The following AGBL4 variants were observed in gnomAD, a reference collection of about 807,000 sequenced individuals.
AGBL4 encodes the protein cytosolic carboxypeptidase 6.
Under a neutral mutation model 66.4 loss-of-function variants are expected in AGBL4, and 58 were observed. The observed-to-expected ratio is 0.87, with a 90% CI of 0.71 to 1.09. The LOEUF (loss-of-function observed/expected upper bound fraction) is 1.09, where lower values mean the gene tolerates loss of function less well. Among genes scored for constraint, AGBL4 ranks in the 50% least tolerant of loss-of-function variants. The pLI is 0.00. For synonymous variants in AGBL4, 234 were observed against 222.9 expected (o/e 1.05, Z -0.44); for missense variants, 579 against 631.0 (o/e 0.92, Z 0.88).
intron 2 of AGBL4, among the ~76,000 whole-genome samples, chr1:49,724,920 G>A (rs1247152022): frequency 2.6e-5 from 4 of 151,784 alleles, no homozygotes; most frequent in Non-Finnish European, 1.5e-5. Flanking sequence ...AATTTCTGTT[G>A]TATAAGCATG....
chr1:48,572,905 A>G (rs1308992138), intron 11 of AGBL4, among the ~76,000 whole-genome samples: 32 of 152,244 alleles, frequency 2.1e-4, no homozygotes, highest in Admixed American at 2.1e-3. Context: ...GACAAGTGGC[A>G]GAGGGAAGGA....
intron 4 of AGBL4, among the ~76,000 whole-genome samples, chr1:49,048,841 T>C (rs1407725000): frequency 6.6e-6 from 1 of 151,626 alleles, no homozygotes; most frequent in African/African-American, 2.4e-5. Flanking sequence ...ACAAGATCAG[T>C]GAGCAGCAGA....
At chr1:48,837,735 A>C (rs1443769547) in intron 6 of AGBL4, among the ~76,000 whole-genome samples, 1 of 138,680 alleles carries the variant, frequency 7.2e-6, no homozygotes, top group Non-Finnish European at 1.5e-5. Context: ...ATATATATAT[A>C]TATATATCCT....
rs74703496 is a variant in AGBL4 at position 48,929,574 on chromosome 1, T to C, written c.595-62344A>G. 1.4e-3 allele frequency among the ~76,000 whole-genome samples: 211 copies of C among 152,340 alleles called. 7 individuals carry two copies. The East Asian group carries it at 0.036, about 26-fold the overall frequency. ...CACTCATGGCAACTTGTATGGCTTA[T>C]AACTATATATTCAATTAATGCCTAT... On this transcript the variant is annotated intron_variant, in intron 5 of 13. Transcript: ENST00000371839.
intron 9 of AGBL4, among the ~76,000 whole-genome samples, chr1:48,600,194 C>G (rs1364903529): frequency 6.6e-6 from 1 of 152,074 alleles, no homozygotes; most frequent in African/African-American, 2.4e-5. Context: ...ACAGTAAGTA[C>G]TCAGGCAACA....
chr1:48,595,866 C>T lies in AGBL4; in HGVS notation c.952-4881G>A, dbSNP rs938777736. On this transcript the variant is annotated intron_variant, in intron 9 of 13. Coordinates refer to ENST00000371839, the MANE Select transcript of AGBL4 (RefSeq NM_032785.4). ...TATCCTTCACATTTCGGCAGCACTT[C>T]GGAGTTTATCACAAATTCAGTTCAG... Among the ~76,000 whole-genome samples the T allele has an allele frequency of 3.9e-5, 6 of 152,266 alleles. No individual in the cohort carries two copies. The East Asian group carries it at 1.2e-3, about 29-fold the overall frequency.
chr1:49,475,526 C>T (rs1250924914), intron 3 of AGBL4, among the ~76,000 whole-genome samples: 1 of 151,976 alleles, frequency 6.6e-6, no homozygotes, highest in Non-Finnish European at 1.5e-5. Context: ...CTTTGTACAT[C>T]AGGTAAAATT....
At chr1:49,814,712 C>G (rs1436074140) in intron 2 of AGBL4, among the ~76,000 whole-genome samples, 1 of 151,928 alleles carries the variant, frequency 6.6e-6, no homozygotes, top group Non-Finnish European at 1.5e-5. Context: ...CAGTGTTGTA[C>G]AAATATTATA....
intron 1 of AGBL4, among the ~76,000 whole-genome samples, chr1:49,870,239 TG>T (rs1646805207): frequency 1.3e-5 from 2 of 152,272 alleles, no homozygotes; most frequent in African/African-American, 4.8e-5. Context: ...TTTTAATTTT[TG>T]TTTTTAAATG....
intron 3 of AGBL4, among the ~76,000 whole-genome samples, chr1:49,683,072 G>A (rs1450841561): frequency 1.3e-5 from 2 of 152,200 alleles, no homozygotes; most frequent in East Asian, 3.9e-4. Flanking sequence ...CGTCTTTACT[G>A]CTAATTTAGA....
chr1:49,851,675 T>G (rs1646309683), intron 1 of AGBL4, among the ~76,000 whole-genome samples, 157 bp from the exon 2 acceptor site: 1 of 152,130 alleles, frequency 6.6e-6, no homozygotes, highest in Non-Finnish European at 1.5e-5. Context: ...AGGCTACATT[T>G]TGAAACAAAA....
At chr1:49,375,126 C>G (rs1298627375) in intron 3 of AGBL4, among the ~76,000 whole-genome samples, 1 of 152,110 alleles carries the variant, frequency 6.6e-6, no homozygotes. Context: ...AAACTACATT[C>G]GTTTGTAAAA....
intron 1 of AGBL4, among the ~76,000 whole-genome samples, chr1:49,902,905 T>C (rs1256664470): frequency 1.3e-5 from 2 of 152,186 alleles, no homozygotes; most frequent in African/African-American, 2.4e-5. Flanking sequence ...GCAGTGGAAA[T>C]GTAAGTTAGT....
intron 6 of AGBL4, among the ~76,000 whole-genome samples, chr1:48,687,894 C>T (rs1292901495): frequency 6.6e-6 from 1 of 152,204 alleles, no homozygotes; most frequent in Non-Finnish European, 1.5e-5. Context: ...AGAGAGCCGT[C>T]CCTGGCCACC....
intron 2 of AGBL4, among the ~76,000 whole-genome samples, chr1:49,705,121 C>G (rs1290681806): frequency 4.6e-5 from 7 of 152,176 alleles, no homozygotes; most frequent in African/African-American, 1.7e-4. Flanking sequence ...GTTTGTAGTT[C>G]TACTTAAAGA....
At chr1:48,594,145 G>C (rs1644960523) in intron 9 of AGBL4, among the ~76,000 whole-genome samples, 1 of 152,088 alleles carries the variant, frequency 6.6e-6, no homozygotes, top group African/African-American at 2.4e-5. Context: ...AGCCAACATG[G>C]TGAAACACCG....
intron 3 of AGBL4, among the ~76,000 whole-genome samples, chr1:49,551,115 C>T (rs1652917473): frequency 6.6e-6 from 1 of 152,110 alleles, no homozygotes; most frequent in African/African-American, 2.4e-5. Context: ...GAGCATTTTG[C>T]ATTTCTATAA....
chr1:49,580,799 C>A (rs1571097519), intron 3 of AGBL4, among the ~76,000 whole-genome samples: 1 of 152,094 alleles, frequency 6.6e-6, no homozygotes, highest in Non-Finnish European at 1.5e-5. Flanking sequence ...AGAATTCATT[C>A]TTTCACTTTG....
chr1:49,979,228 G>A (rs1008833551), intron 1 of AGBL4, among the ~76,000 whole-genome samples: 3 of 152,096 alleles, frequency 2.0e-5, no homozygotes, highest in South Asian at 2.1e-4. Flanking sequence ...TTGGGAGGCC[G>A]AGGCGGGTGG....
Sources: allele counts gnomAD v4.1 joint callset (sites outside exome capture counted in the v4.1 genomes callset), GRCh38; gene constraint gnomAD v4.1.1; transcripts MANE v1.5; gene names NCBI Gene and HGNC (gene_info 2026-07-23, HGNC 2026-07-21).